Variants in HCRT observed in about 807,000 individuals in gnomAD.
HCRT encodes the protein hypocretin (orexin) neuropeptide.
HCRT carries 5 observed loss-of-function variants against 5.7 expected under a neutral mutation model. That is an observed-to-expected ratio of 0.87 (90% CI 0.45 to 1.83). HCRT has a LOEUF of 1.83. Ranked by LOEUF, HCRT falls within the 40% of genes most tolerant of loss-of-function variation. HCRT has a pLI of 0.02. For missense variants in HCRT, 207 were observed against 191.8 expected (o/e 1.08, Z -0.47); for synonymous variants, 114 against 99.0 (o/e 1.15, Z -0.90).
At position 42,184,339 on chromosome 17, in the gene HCRT, A is replaced by G; in HGVS notation, c.211T>C (p.Ser71Pro). Residue 71 changes from serine (S) to proline (P), a missense_variant, in exon 2 of 2, where the codon TCC (serine) becomes CCC (proline). Transcript: ENST00000293330. The part of the protein sequence containing the change: ...AGILTLGKRR[S>P]GPPGLQGRLQ... ...CGACCCTGGAGGCCCGGGGGCCCGG[A>G]CCTCCGCTTGCCCAGCGTGAGGATG... The G allele has an allele frequency of 6.4e-7, 1 of 1,569,912 alleles. No homozygotes were observed.
At position 42,184,522 on chromosome 17, in the gene HCRT, A is replaced by G. The variant is rs375363373; in HGVS notation, c.28T>C (p.Trp10Arg). Residue 10 changes from tryptophan (W) to arginine (R), a missense_variant, in exon 2 of 2, where the codon TGG becomes CGG. By Grantham distance (101) the Trp-to-Arg change is moderately radical. Transcript: ENST00000293330. MNLPSTKVSWAAVTLLLLLL... is the reference protein window; with the variant it reads MNLPSTKVSRAAVTLLLLLL... ...AGCAGCAGTAGCGTCACGGCGGCCC[A>G]GGAGACCTAGGGAGACGGAGACAGG... 3.3e-6 allele frequency: 5 copies of G among 1,537,172 alleles called. No individual in the cohort carries two copies. The African/African-American group carries it at 5.5e-5, about 17-fold the overall frequency.
chr17:42,185,396 G>A lies in HCRT; in HGVS notation c.-31C>T, dbSNP rs777916965. ...CTGGCGCTCAGGGTGGGGTAGCCGG[G>A]AAAGGAGATGTCTGTGGTGGTTCAA... On this transcript the variant is annotated 5_prime_UTR_variant, in exon 1 of 2. Transcript: ENST00000293330. 3 of 1,612,294 alleles carry A rather than the reference G, an allele frequency of 1.9e-6. No homozygotes were observed. In the African/African-American group the frequency reaches 4.0e-5, roughly 22 times the overall value.
intron 1 of HCRT, 104 bp downstream of exon 1, chr17:42,185,241 G>T: frequency 9.0e-7 from 1 of 1,115,194 alleles, no homozygotes; most frequent in South Asian, 1.3e-5. Context: ...CCCAGGAAAA[G>T]ACCAAGAGTG....
intron 1 of HCRT, among the ~76,000 whole-genome samples, chr17:42,184,743 C>T (rs1458414759): frequency 6.6e-6 from 1 of 152,362 alleles, no homozygotes; most frequent in South Asian, 2.1e-4. Flanking sequence ...CCCCAGGAAG[C>T]CTTTTGAGAC....
chr17:42,184,621 C>T, intron 1 of HCRT, 93 bp from the exon 2 acceptor site: 2 of 1,423,970 alleles, frequency 1.4e-6, no homozygotes, highest in Non-Finnish European at 1.8e-6. Flanking sequence ...GCTCCGCGCC[C>T]CCTCCAAGCC....
rs1206882322 is a variant in HCRT at position 42,184,330 on chromosome 17, G to T, written c.220C>A (p.Pro74Thr). 3 of 1,558,216 alleles carry T rather than the reference G, an allele frequency of 1.9e-6. No homozygotes were observed. The highest frequency in any genetic ancestry group is 2.6e-6 in the Non-Finnish European group (3 of 1,158,308). ...LTLGKRRSGP[P>T]GLQGRLQRLL... is the part of the protein sequence containing the mutation. ...CGCTGCAGCCGACCCTGGAGGCCCGGGGGCCCGGACCTCCGCTTGCCCAGC... is the reference window on the plus strand; with the variant it reads ...CGCTGCAGCCGACCCTGGAGGCCCGTGGGCCCGGACCTCCGCTTGCCCAGC... Residue 74 changes from proline to threonine, a missense_variant, in exon 2 of 2, where the codon CCG becomes ACG. Transcript: ENST00000293330.
At chr17:42,184,564 C>A (rs1026186218) in intron 1 of HCRT, 36 bp from the exon 2 acceptor site, 2 of 1,477,614 alleles carry the variant, frequency 1.4e-6, no homozygotes, top group Non-Finnish European at 1.8e-6. Flanking sequence ...GGGGGGTCTT[C>A]CCACGGCGCC....
At chr17:42,184,575 C>G in intron 1 of HCRT, 47 bp from the exon 2 acceptor site, 1 of 1,476,930 alleles carries the variant, frequency 6.8e-7, no homozygotes, top group South Asian at 1.3e-5. Flanking sequence ...CCACGGCGCC[C>G]GCCACCAGCT....
At position 42,184,485 on chromosome 17, in the gene HCRT, A is replaced by G. The variant is rs773191482; in HGVS notation, c.65T>C (p.Leu22Pro). Residue 22 changes from leucine to proline, a missense_variant, in exon 2 of 2, where the codon CTG becomes CCG. Transcript: ENST00000293330. ...CCCGGACGACAACAGCGCGGGCGGC[A>G]GCAGCAGCAGCAGCAGCAGTAGCGT... ...AVTLLLLLLL[L>P]PPALLSSGAA... 1.1e-5 allele frequency: 15 copies of G among 1,423,886 alleles called. No homozygotes were observed. The highest frequency in any genetic ancestry group is 2.7e-5 in the East Asian group (1 of 36,678). 88.2% of individuals were successfully genotyped at this position (1,423,886 alleles called of 1,614,324 possible).
chr17:42,184,088 T>C lies in HCRT; in HGVS notation c.*66A>G. ...GGAGACTCGTCTTTATTGCCTTTTT[T>C]CTGGGGGCTGACGCTGGGTGGGCAG... On this transcript the variant is annotated 3_prime_UTR_variant, in exon 2 of 2. Transcript: ENST00000293330. The C allele has an allele frequency of 8.1e-7, 1 of 1,236,406 alleles. No homozygotes were observed. The highest frequency in any genetic ancestry group is 3.2e-4 in the Middle Eastern group (1 of 3,154). The allele number at this position is 1,236,406 out of a possible 1,614,324, so 76.6% of individuals were successfully genotyped here. A position where few individuals can be genotyped will look rare whatever the true frequency, so the allele number is the denominator to read the frequency against.
intron 1 of HCRT, 83 bp from the exon 2 acceptor site, chr17:42,184,611 GCTCCGC>G (rs749966324): frequency 3.4e-5 from 49 of 1,434,592 alleles, no homozygotes; most frequent in Non-Finnish European, 4.4e-5. Flanking sequence ...TGCCCCTCTG[GCTCCGC>G]GCCCCCTCCA....
rs537012902 is a variant in HCRT at position 42,184,292 on chromosome 17, G to A, written c.258C>T (p.Ala86=). 1.1e-5 allele frequency: 16 copies of A among 1,498,626 alleles called. No homozygotes were observed. In the South Asian group the frequency reaches 1.9e-4, roughly 17 times the overall value. 92.8% of individuals were successfully genotyped at this position (1,498,626 alleles called of 1,614,324 possible). Residue 86 remains alanine, a synonymous_variant, in exon 2 of 2, where the codon GCC becomes GCT. Coordinates refer to ENST00000293330, the MANE Select transcript of HCRT (RefSeq NM_001524.1). The stretch of plus-strand genomic sequence containing the variant: ...GGATGCCCGCGGCGTGGTTGCCGCT[G>A]GCCTGCAGGAGGCGCTGCAGCCGAC... The part of the protein sequence containing the change: ...LQGRLQRLLQ[A]SGNHAAGILT...
rs774783958 is a variant in HCRT, at chr17:42,184,465, A to G, written c.85T>C (p.Ser29Pro). ...LLLLPPALLSSGAAAQPLPDC... is the reference protein window; with the variant it reads ...LLLLPPALLSPGAAAQPLPDC... Reference sequence around the variant, plus strand: ...GGCAGGGGCTGTGCAGCCGCCCCGGACGACAACAGCGCGGGCGGCAGCAGC... The same window carrying G: ...GGCAGGGGCTGTGCAGCCGCCCCGGGCGACAACAGCGCGGGCGGCAGCAGC... Residue 29 changes from serine to proline, a missense_variant, in exon 2 of 2, where the codon TCC becomes CCC. By Grantham distance (74) the Ser-to-Pro change is moderately conservative. Coordinates refer to ENST00000293330, the MANE Select transcript of HCRT (RefSeq NM_001524.1). The G allele has an allele frequency of 2.5e-6, 4 of 1,591,394 alleles. No homozygotes were observed. In the Admixed American group the frequency reaches 6.8e-5, roughly 27 times the overall value.
rs1294370401 is a variant in HCRT, at chr17:42,184,293, G to C, written c.257C>G (p.Ala86Gly). The change falls in exon 2 of 2, where the codon GCC becomes GGC. Residue 86 changes from alanine to glycine, a missense_variant. Ala to Gly is a moderately conservative substitution (Grantham distance 60, BLOSUM62 0). Coordinates refer to ENST00000293330, the MANE Select transcript of HCRT (RefSeq NM_001524.1). ...LQGRLQRLLQ[A>G]SGNHAAGILT... is the part of the protein sequence containing the mutation. ...GATGCCCGCGGCGTGGTTGCCGCTGGCCTGCAGGAGGCGCTGCAGCCGACC... is the reference window on the plus strand; with the variant it reads ...GATGCCCGCGGCGTGGTTGCCGCTGCCCTGCAGGAGGCGCTGCAGCCGACC... The C allele has an allele frequency of 1.3e-6, 2 of 1,500,242 alleles. No homozygotes were observed. The highest frequency in any genetic ancestry group is 2.1e-5 in the Admixed American group (1 of 47,294). 92.9% of individuals were successfully genotyped at this position (1,500,242 alleles called of 1,614,324 possible). A position where few individuals can be genotyped will look rare whatever the true frequency, so the allele number is the denominator to read the frequency against.
Position 42,185,385 on chromosome 17 carries a change from G to C in HCRT, c.-20C>G, listed in dbSNP as rs4796777. Reference sequence around the variant, plus strand: ...GTTCATGGTGTCTGGCGCTCAGGGTGGGGTAGCCGGGAAAGGAGATGTCTG... The same window carrying C: ...GTTCATGGTGTCTGGCGCTCAGGGTCGGGTAGCCGGGAAAGGAGATGTCTG... On this transcript the variant is annotated 5_prime_UTR_variant, in exon 1 of 2. Transcript: ENST00000293330. The C allele has an allele frequency of 1.5e-5, 25 of 1,613,596 alleles. No homozygotes were observed. The highest frequency in any genetic ancestry group is 2.7e-5 in the African/African-American group (2 of 74,918).
At position 42,184,482 on chromosome 17, in the gene HCRT, G is replaced by GGCAGCAGCA. The variant is rs747632842; in HGVS notation, c.59_67dup (p.Leu20_Leu22dup). 10 of 1,578,218 alleles carry GGCAGCAGCA rather than the reference G, an allele frequency of 6.3e-6. No individual in the cohort carries two copies. Among genetic ancestry groups the GGCAGCAGCA allele is most frequent in the South Asian group, 1.1e-5 (1 of 88,170 alleles). On this transcript the variant is annotated inframe_insertion, in exon 2 of 2. Transcript: ENST00000293330. ...CGCCCCGGACGACAACAGCGCGGGC[G>GGCAGCAGCA]GCAGCAGCAGCAGCAGCAGCAGTAG...
intron 1 of HCRT, 68 bp from the exon 2 acceptor site, chr17:42,184,596 G>A (rs1376232558): frequency 6.9e-7 from 1 of 1,452,420 alleles, no homozygotes; most frequent in East Asian, 2.7e-5. Context: ...CCCACGCCCA[G>A]GACCTGCCCC....
At chr17:42,184,600 C>A in intron 1 of HCRT, 72 bp from the exon 2 acceptor site, 1 of 1,448,104 alleles carries the variant, frequency 6.9e-7, no homozygotes, top group Non-Finnish European at 9.0e-7. Context: ...CGCCCAGGAC[C>A]TGCCCCTCTG....
Position 42,184,199 on chromosome 17 carries a change from GGCGGAACAGCGGCGCCCGAGGCAGGGGC to G in HCRT, c.323_350del (p.Arg108ProfsTer42). 1 of 1,288,992 alleles carries G rather than the reference GGCGGAACAGCGGCGCCCGAGGCAGGGGC, an allele frequency of 7.8e-7. No homozygotes were observed. The highest frequency in any genetic ancestry group is 9.8e-7 in the Non-Finnish European group (1 of 1,020,358). 79.8% of individuals were successfully genotyped at this position (1,288,992 alleles called of 1,614,324 possible). On this transcript the variant is annotated frameshift_variant, in exon 2 of 2. Coordinates refer to ENST00000293330, the MANE Select transcript of HCRT (RefSeq NM_001524.1). LOFTEE classifies it low-confidence loss of function (END_TRUNC). ...CGGGCGCGACGGAGGCGGCGGCCGG[GGCGGAACAGCGGCGCCCGAGGCAGGGGC>G]GCGGCGCTGGCTCTGCGCCTGCGCG...
Sources: allele counts gnomAD v4.1 joint callset (sites outside exome capture counted in the v4.1 genomes callset), GRCh38; gene constraint gnomAD v4.1.1; transcripts MANE v1.5; gene names NCBI Gene and HGNC (gene_info 2026-07-23, HGNC 2026-07-21).